The following FRMD5 variants were observed in gnomAD, a reference collection of about 807,000 sequenced individuals.
FRMD5 encodes FERM domain-containing protein 5.
In FRMD5, 20 loss-of-function variants were observed where a neutral mutation model predicts 69.0. The ratio of observed to expected loss-of-function variants is 0.29; its 90% CI spans 0.20 to 0.42. The LOEUF is 0.42. Ranked by LOEUF, FRMD5 falls within the 10% of genes least tolerant of loss-of-function variation. The pLI, the probability that FRMD5 is intolerant of heterozygous loss-of-function variation, is 1.00. For missense variants in FRMD5, 595 were observed against 708.6 expected (o/e 0.84, Z 1.82); for synonymous variants, 271 against 260.1 (o/e 1.04, Z -0.40).
intron 1 of FRMD5, among the ~76,000 whole-genome samples, chr15:44,163,210 A>G (rs1352309763): frequency 6.6e-6 from 1 of 152,286 alleles, no homozygotes; most frequent in South Asian, 2.1e-4. Flanking sequence ...TGTCTCCCCA[A>G]ATCCGCATCT....
chr15:44,003,162 T>C (rs1349591706), intron 1 of FRMD5, among the ~76,000 whole-genome samples: 1 of 152,174 alleles, frequency 6.6e-6, no homozygotes, highest in Non-Finnish European at 1.5e-5. Flanking sequence ...CACATCTATC[T>C]AATCTGTCAG....
intron 1 of FRMD5, among the ~76,000 whole-genome samples, chr15:44,169,196 C>T (rs1475541405): frequency 1.3e-5 from 2 of 152,124 alleles, no homozygotes; most frequent in African/African-American, 4.8e-5. Context: ...TTTCTTCTCA[C>T]CTTGCATGTA....
intron 1 of FRMD5, among the ~76,000 whole-genome samples, chr15:44,106,205 T>C (rs962779007): frequency 6.6e-6 from 1 of 152,202 alleles, no homozygotes; most frequent in African/African-American, 2.4e-5. Flanking sequence ...TGATACCCAA[T>C]AATTAAAATT....
At position 44,148,318 on chromosome 15, in the gene FRMD5, T is replaced by C. The variant is rs188504224; in HGVS notation, c.102+46635A>G. Among the ~76,000 whole-genome samples, 801 of 152,182 alleles carry C rather than the reference T, an allele frequency of 5.3e-3. 3 individuals are homozygous for C. Among genetic ancestry groups the C allele is most frequent in the African/African-American group, 0.011 (475 of 41,546 alleles). On this transcript the variant is annotated intron_variant, in intron 1 of 13. Coordinates refer to ENST00000417257, the MANE Select transcript of FRMD5 (RefSeq NM_032892.5). ...ACGGAGTCTCGCTCTGTCCCCCAGG[T>C]TGGAGTGCAGGGGCGCAATCTAGGC... is the stretch of plus-strand genomic sequence containing the variant.
chr15:43,883,902 G>T, intron 12 of FRMD5, 93 bp from the exon 13 acceptor site: 1 of 878,294 alleles, frequency 1.1e-6, no homozygotes, highest in Non-Finnish European at 1.9e-6. Context: ...GAATTGCCTG[G>T]CTATATTAAG....
At chr15:44,138,939 G>A (rs2077225581) in intron 1 of FRMD5, among the ~76,000 whole-genome samples, 1 of 152,116 alleles carries the variant, frequency 6.6e-6, no homozygotes. Flanking sequence ...TATGACTGGG[G>A]CGACAGAAAA....
At chr15:43,998,102 AG>A (rs1890023026) in intron 1 of FRMD5, among the ~76,000 whole-genome samples, 1 of 152,208 alleles carries the variant, frequency 6.6e-6, no homozygotes, top group African/African-American at 2.4e-5. Flanking sequence ...TGTGGAACTA[AG>A]GTATTGTCAT....
At chr15:44,071,862 A>G (rs1441896748) in intron 1 of FRMD5, among the ~76,000 whole-genome samples, 4 of 152,148 alleles carry the variant, frequency 2.6e-5, no homozygotes, top group African/African-American at 7.2e-5. Context: ...TATACAAAAA[A>G]TGTTTCCTTA....
chr15:44,179,133 G>A (rs775334889), intron 1 of FRMD5, among the ~76,000 whole-genome samples: 9 of 151,992 alleles, frequency 5.9e-5, no homozygotes, highest in Non-Finnish European at 1.2e-4. Context: ...ATTAGCATAG[G>A]TACAATAATC....
chr15:43,959,117 T>C (rs1025251960), intron 1 of FRMD5, among the ~76,000 whole-genome samples: 1 of 152,348 alleles, frequency 6.6e-6, no homozygotes, highest in Middle Eastern at 3.4e-3. Context: ...AATAATTATT[T>C]AAGAAGTCTC....
chr15:43,969,928 C>T (rs1345291052), intron 1 of FRMD5, among the ~76,000 whole-genome samples: 1 of 152,238 alleles, frequency 6.6e-6, no homozygotes, highest in Non-Finnish European at 1.5e-5. Context: ...GCATCCTCTT[C>T]TCTCAGCACC....
chr15:44,181,986 G>T (rs2078009091), intron 1 of FRMD5, among the ~76,000 whole-genome samples: 1 of 151,180 alleles, frequency 6.6e-6, no homozygotes, highest in Admixed American at 6.6e-5. Context: ...CACCTATTTT[G>T]CTCAAGCTAT....
chr15:44,037,457 T>A (rs1331721882), intron 1 of FRMD5, among the ~76,000 whole-genome samples: 1 of 151,598 alleles, frequency 6.6e-6, no homozygotes, highest in African/African-American at 2.4e-5. Flanking sequence ...TACGTGTACA[T>A]GTGTCTTTTC....
intron 1 of FRMD5, among the ~76,000 whole-genome samples, chr15:44,047,195 G>A (rs1892465032): frequency 6.6e-6 from 1 of 152,222 alleles, no homozygotes; most frequent in East Asian, 1.9e-4. Context: ...TGTAATCCCA[G>A]CTATGTGGGA....
chr15:44,032,100 GAA>G (rs1229126843), intron 1 of FRMD5, among the ~76,000 whole-genome samples: 1 of 152,040 alleles, frequency 6.6e-6, no homozygotes, highest in Non-Finnish European at 1.5e-5. Flanking sequence ...AAGCAACGGG[GAA>G]AAAGACTCCC....
chr15:44,125,850 C>T (rs2077017904), intron 1 of FRMD5, among the ~76,000 whole-genome samples: 1 of 152,326 alleles, frequency 6.6e-6, no homozygotes, highest in Non-Finnish European at 1.5e-5. Flanking sequence ...GTAGAATTGA[C>T]TCTGCTACCC....
chr15:44,013,788 GA>G (rs1890830905), intron 1 of FRMD5, among the ~76,000 whole-genome samples: 1 of 151,326 alleles, frequency 6.6e-6, no homozygotes, highest in Admixed American at 6.6e-5. Flanking sequence ...GCCCTATAAG[GA>G]AAGTTAGAGG....
intron 1 of FRMD5, among the ~76,000 whole-genome samples, chr15:44,136,977 T>C (rs2077196819): frequency 6.6e-6 from 1 of 152,146 alleles, no homozygotes; most frequent in African/African-American, 2.4e-5. Flanking sequence ...AGCTGCCATA[T>C]TAGTTAGAGT....
At chr15:43,917,123 CA>C (rs1052599548) in intron 4 of FRMD5, among the ~76,000 whole-genome samples, 23 of 152,178 alleles carry the variant, frequency 1.5e-4, no homozygotes, top group African/African-American at 5.5e-4. Context: ...CCAAGATAAC[CA>C]TACATTTCCA....
Sources: allele counts gnomAD v4.1 joint callset (sites outside exome capture counted in the v4.1 genomes callset), GRCh38; gene constraint gnomAD v4.1.1; transcripts MANE v1.5; gene names NCBI Gene and HGNC (gene_info 2026-07-23, HGNC 2026-07-21).